Variants in SAMD5 observed in about 807,000 individuals in gnomAD.
SAMD5 encodes the protein sterile alpha motif domain containing 5, also known as sterile alpha motif domain-containing protein 5.
SAMD5 carries 13 observed loss-of-function variants against 11.3 expected under a neutral mutation model. The observed-to-expected ratio is 1.15, with a 90% confidence interval of 0.75 to 1.83. The LOEUF (loss-of-function observed/expected upper bound fraction) is 1.83. Among genes scored for constraint, SAMD5 ranks in the 40% most tolerant of loss-of-function variants. SAMD5 has a pLI of 0.00. For synonymous variants in SAMD5, 129 were observed against 111.3 expected (o/e 1.16, Z -1.00); for missense variants, 255 against 239.1 (o/e 1.07, Z -0.44).
At chr6:147,522,422 C>G (rs139345420) in intron 1 of SAMD5, among the ~76,000 whole-genome samples, 1 of 152,040 alleles carries the variant, frequency 6.6e-6, no homozygotes, top group Admixed American at 6.6e-5. Context: ...ATATTTAATC[C>G]TATGAAACAT....
chr6:147,903,264 C>T, the SAMD5 span, among the ~76,000 whole-genome samples: 1 of 152,170 alleles, frequency 6.6e-6, no homozygotes, highest in African/African-American at 2.4e-5. Context: ...TCCTGGCCCT[C>T]ATTATATGGA....
intron 1 of SAMD5, among the ~76,000 whole-genome samples, chr6:147,695,129 C>T (rs903355262): frequency 6.6e-6 from 1 of 152,092 alleles, no homozygotes; most frequent in African/African-American, 2.4e-5. Context: ...GTATCTGTCC[C>T]GTGAAACAAA....
At chr6:147,600,514 C>T (rs911766171) in intron 1 of SAMD5, among the ~76,000 whole-genome samples, 2 of 152,218 alleles carry the variant, frequency 1.3e-5, no homozygotes, top group African/African-American at 2.4e-5. Context: ...TCCCACCCTC[C>T]TGTCTAGTCC....
At chr6:147,950,232 C>T in the SAMD5 span, among the ~76,000 whole-genome samples, 1 of 152,254 alleles carries the variant, frequency 6.6e-6, no homozygotes, top group Non-Finnish European at 1.5e-5. Flanking sequence ...TTGGGATTTG[C>T]TTTTTAATAT....
intron 1 of SAMD5, among the ~76,000 whole-genome samples, chr6:147,603,795 A>C (rs80302633): frequency 0.096 from 14,577 of 152,200 alleles, 832 homozygotes; most frequent in Middle Eastern, 0.16. Flanking sequence ...AAACAAAAAA[A>C]AACAACAACA....
chr6:147,954,646 T>C, the SAMD5 span, among the ~76,000 whole-genome samples: 22 of 149,880 alleles, frequency 1.5e-4, no homozygotes, highest in African/African-American at 5.4e-4. Flanking sequence ...TAACCTCTTT[T>C]TTTTTTTTTT....
intron 1 of SAMD5, among the ~76,000 whole-genome samples, chr6:147,595,522 CTTTTTTTTTTT>C (rs770537446): frequency 1.9e-5 from 2 of 106,628 alleles, no homozygotes; most frequent in Admixed American, 1.1e-4. Context: ...ACTAAACTAC[CTTTTTTTTTTT>C]TTTTTTTTTT....
At chr6:147,804,708 C>A in the SAMD5 span, among the ~76,000 whole-genome samples, 26,488 of 152,138 alleles carry the variant, frequency 0.17, 2,496 homozygotes, top group Middle Eastern at 0.23. Context: ...GTTTCTTAGG[C>A]TGCGTAACAT....
chr6:147,783,338 T>A, the SAMD5 span, among the ~76,000 whole-genome samples: 41 of 149,414 alleles, frequency 2.7e-4, 1 homozygote, highest in African/African-American at 9.9e-4. Flanking sequence ...AGACCTGATC[T>A]AAAATCTACT....
intron 1 of SAMD5, among the ~76,000 whole-genome samples, chr6:147,679,374 A>G (rs1195646608): frequency 1.3e-5 from 2 of 152,056 alleles, no homozygotes; most frequent in African/African-American, 2.4e-5. Context: ...GAATGTCATT[A>G]TAGTTTTTAT....
the SAMD5 span, among the ~76,000 whole-genome samples, chr6:147,845,548 A>G: frequency 1.3e-5 from 2 of 152,190 alleles, no homozygotes; most frequent in Non-Finnish European, 2.9e-5. Context: ...AACAATTTTA[A>G]AAAACAATAA....
chr6:147,769,863 A>G, the SAMD5 span, among the ~76,000 whole-genome samples: 2 of 152,214 alleles, frequency 1.3e-5, no homozygotes, highest in East Asian at 1.9e-4. Flanking sequence ...GTCTACTTAA[A>G]GTGTCATAGA....
At chr6:147,954,066 G>C in the SAMD5 span, 1 of 152,126 alleles carries the variant, frequency 6.6e-6, no homozygotes, top group Non-Finnish European at 1.5e-5. Flanking sequence ...TCCAGAATGG[G>C]CCGTAACATA....
At chr6:147,630,670 C>T (rs1413469194) in intron 1 of SAMD5, among the ~76,000 whole-genome samples, 1 of 152,126 alleles carries the variant, frequency 6.6e-6, no homozygotes, top group African/African-American at 2.4e-5. Flanking sequence ...CTGACTCAGC[C>T]CGCCTGCACC....
chr6:147,900,546 AG>A, the SAMD5 span, among the ~76,000 whole-genome samples: 1 of 152,188 alleles, frequency 6.6e-6, no homozygotes, highest in Non-Finnish European at 1.5e-5. Context: ...AGGAGACAGG[AG>A]GCTAATGTGT....
chr6:147,558,699 G>A (rs1435281013), intron 1 of SAMD5, among the ~76,000 whole-genome samples: 1 of 151,524 alleles, frequency 6.6e-6, no homozygotes, highest in Non-Finnish European at 1.5e-5. Flanking sequence ...GCACAGTCCC[G>A]CCCTCCCTCA....
At chr6:147,895,098 C>T in the SAMD5 span, among the ~76,000 whole-genome samples, 10 of 152,168 alleles carry the variant, frequency 6.6e-5, no homozygotes, top group Admixed American at 6.5e-5. Context: ...ATATAGGCAT[C>T]GATTTTATTT....
At chr6:147,854,041 A>C in the SAMD5 span, among the ~76,000 whole-genome samples, 1 of 152,230 alleles carries the variant, frequency 6.6e-6, no homozygotes, top group Non-Finnish European at 1.5e-5. Context: ...AGACATGGGC[A>C]TTTCTAAAAA....
At chr6:147,803,320 A>G in the SAMD5 span, among the ~76,000 whole-genome samples, 359 of 152,226 alleles carry the variant, frequency 2.4e-3, 5 homozygotes, top group Middle Eastern at 6.8e-3. Flanking sequence ...TTCCACTTGT[A>G]AAATATATCT....
Sources: allele counts gnomAD v4.1 joint callset (sites outside exome capture counted in the v4.1 genomes callset), GRCh38; gene constraint gnomAD v4.1.1; transcripts MANE v1.5; gene names NCBI Gene and HGNC (gene_info 2026-07-23, HGNC 2026-07-21).